Variants in GPR19 observed in about 807,000 individuals in gnomAD.
GPR19 encodes the protein probable G protein-coupled receptor 19.
GPR19 carries 14 observed loss-of-function variants against 28.5 expected under a neutral mutation model. The observed-to-expected ratio is 0.49, with a 90% confidence interval of 0.32 to 0.77. The LOEUF is 0.77. Ranked by LOEUF, GPR19 falls within the 30% of genes least tolerant of loss-of-function variation. The probability of loss-of-function intolerance (pLI) is 0.03; values close to 1 mark genes in which losing one functional copy is unlikely to be tolerated. For synonymous variants in GPR19, 173 were observed against 184.1 expected, an observed-to-expected ratio of 0.94 and a Z score of 0.49; for missense variants, 409 against 504.1, an observed-to-expected ratio of 0.81 and a Z score of 1.81.
At position 12,661,864 on chromosome 12, in the gene GPR19, C is replaced by T. The variant is rs750770626; in HGVS notation, c.585G>A (p.Val195=). The change falls in exon 4 of 4, where the codon GTG becomes GTA. Residue 195 remains valine (V), a synonymous_variant. Coordinates refer to ENST00000651487, the MANE Select transcript of GPR19 (RefSeq NM_006143.3). The surrounding 1 kb of genome is among the most constrained non-coding windows in gnomAD (Gnocchi z 4.2). ...AASWVFDAGF[V]TPVLFFYGSN... ...AGCCATAGAAAAAGAGCACAGGGGT[C>T]ACAAAGCCTGCATCAAAGACCCACG... 3.7e-6 allele frequency: 6 copies of T among 1,614,166 alleles called. No individual in the cohort carries two copies. In the South Asian group the frequency reaches 6.6e-5, roughly 18 times the overall value.
chr12:12,684,001 A>T (rs1229330285), intron 3 of GPR19: 2 of 152,258 alleles, frequency 1.3e-5, no homozygotes, highest in East Asian at 3.8e-4. Flanking sequence ...AGCAGCTGAA[A>T]AAGGATGAAA....
the GPR19 span, among the ~76,000 whole-genome samples, chr12:12,711,614 TAA>T: frequency 1.5e-4 from 23 of 152,334 alleles, no homozygotes; most frequent in South Asian, 2.9e-3. Flanking sequence ...TGCTCAGTTA[TAA>T]TTCTGCTACT....
chr12:12,676,635 G>A (rs1160615487), intron 3 of GPR19, among the ~76,000 whole-genome samples: 1 of 152,188 alleles, frequency 6.6e-6, no homozygotes, highest in African/African-American at 2.4e-5. Flanking sequence ...GAAGTGGTCT[G>A]GTCAAAGAGG....
chr12:12,689,112 G>A (rs1214496214), intron 2 of GPR19, among the ~76,000 whole-genome samples: 2 of 152,262 alleles, frequency 1.3e-5, no homozygotes, highest in African/African-American at 2.4e-5. Flanking sequence ...GTCACATGGC[G>A]AAAGCAGGAC....
rs753785069 is a variant in GPR19 at position 12,661,626 on chromosome 12, T to C, written c.823A>G (p.Ile275Val). Residue 275 changes from isoleucine (I) to valine (V), a missense_variant, in exon 4 of 4, where the codon ATC becomes GTC. By Grantham distance (29) the Ile-to-Val change is conservative. Coordinates refer to ENST00000651487, the MANE Select transcript of GPR19 (RefSeq NM_006143.3). The surrounding 1 kb of genome is among the most constrained non-coding windows in gnomAD (Gnocchi z 4.2). ...NIVPRTKVKT[I>V]KMFLILNLLF... ...AGATTTAAAATGAGGAACATCTTGA[T>C]AGTTTTCACTTTTGTCCGAGGGACA... 2.5e-6 allele frequency: 4 copies of C among 1,614,114 alleles called. No individual in the cohort carries two copies. Among genetic ancestry groups the C allele is most frequent in the Non-Finnish European group, 3.4e-6 (4 of 1,179,936 alleles).
intron 1 of GPR19, 65 bp from the exon 2 acceptor site, chr12:12,695,576 T>C (rs1328629190): frequency 6.6e-6 from 1 of 152,270 alleles, no homozygotes; most frequent in Admixed American, 6.5e-5. Context: ...TCCTGACTTC[T>C]GTTACCGCGA....
rs545460711 is a variant in GPR19 at position 12,662,394 on chromosome 12, G to A, written c.55C>T (p.Leu19Phe). 5 of 1,614,206 alleles carry A rather than the reference G, an allele frequency of 3.1e-6. No homozygotes were observed. The highest frequency in any genetic ancestry group is 4.2e-6 in the Non-Finnish European group (5 of 1,180,024). The change falls in exon 4 of 4, where the codon CTT becomes TTT. Residue 19 changes from leucine (L) to phenylalanine (F), a missense_variant. By Grantham distance (22) the Leu-to-Phe change is conservative (BLOSUM62 0). Coordinates refer to ENST00000651487, the MANE Select transcript of GPR19 (RefSeq NM_006143.3). ...NSKPHLIIPT[L>F]LVPLQNRSCT... ...CTGCGGTTTTGGAGGGGCACCAGAA[G>A]TGTAGGAATAATCAAATGTGGCTTG...
At chr12:12,693,318 T>G (rs1832298918) in intron 2 of GPR19, among the ~76,000 whole-genome samples, 2 of 152,196 alleles carry the variant, frequency 1.3e-5, no homozygotes, top group African/African-American at 4.8e-5. Context: ...CATTCCCATG[T>G]ACAGCAGCCT....
intron 2 of GPR19, among the ~76,000 whole-genome samples, chr12:12,693,188 C>T (rs755801319): frequency 6.6e-6 from 1 of 152,190 alleles, no homozygotes; most frequent in Non-Finnish European, 1.5e-5. Context: ...CAAAGACAGG[C>T]TTGAACCTCA....
chr12:12,692,019 C>T (rs536806352), intron 2 of GPR19, among the ~76,000 whole-genome samples: 1 of 152,232 alleles, frequency 6.6e-6, no homozygotes, highest in Admixed American at 6.5e-5. Context: ...TTTAACAAAA[C>T]AGTGTGGCCA....
chr12:12,671,933 G>A (rs78033840), intron 3 of GPR19, among the ~76,000 whole-genome samples: 2,263 of 152,124 alleles, frequency 0.015, 55 homozygotes, highest in African/African-American at 0.051. Context: ...TGAAATCTAC[G>A]ATTAGTGAAA....
intron 3 of GPR19, among the ~76,000 whole-genome samples, chr12:12,678,364 A>C (rs1157561437): frequency 6.6e-6 from 1 of 152,202 alleles, no homozygotes; most frequent in Non-Finnish European, 1.5e-5. Context: ...TGTTTAGGAC[A>C]TAGCAATATA....
chr12:12,691,360 A>C (rs1384260045), intron 2 of GPR19, among the ~76,000 whole-genome samples: 15 of 151,982 alleles, frequency 9.9e-5, no homozygotes, highest in African/African-American at 3.4e-4. Flanking sequence ...TGTGACCTCC[A>C]TTTCACCTCC....
At chr12:12,685,997 T>C (rs17212166) in intron 2 of GPR19, among the ~76,000 whole-genome samples, 13,692 of 152,286 alleles carry the variant, frequency 0.09, 971 homozygotes, top group Admixed American at 0.21. Context: ...AAATGTGAGT[T>C]GTCAAATTAT....
chr12:12,674,927 T>A (rs1945908472), intron 3 of GPR19, among the ~76,000 whole-genome samples: 1 of 152,172 alleles, frequency 6.6e-6, no homozygotes, highest in African/African-American at 2.4e-5. Context: ...AAGAGTAGGC[T>A]GCTATAAGAG....
rs150953718 is a variant in GPR19 at position 12,690,302 on chromosome 12, C to T, written c.-180+5157G>A. ...ATGTGTATTCCTAATGTGGAAGATA[C>T]ATGGTTTTATTAGGACAAAAAACAT... is the stretch of plus-strand genomic sequence containing the variant. On this transcript the variant is annotated intron_variant, in intron 2 of 3. Transcript: ENST00000651487. 2.0e-5 allele frequency among the ~76,000 whole-genome samples: 3 copies of T among 152,228 alleles called. No homozygotes were observed. The East Asian group carries it at 5.8e-4, about 29-fold the overall frequency.
rs1420568206 is a variant in GPR19, at chr12:12,661,456, TG to T, written c.992del (p.Ser331Ter). 1 of 1,613,780 alleles carries T rather than the reference TG, an allele frequency of 6.2e-7. No homozygotes were observed. The highest frequency in any genetic ancestry group is 1.7e-5 in the Admixed American group (1 of 60,020). On this transcript the variant is annotated frameshift_variant, in exon 4 of 4. Coordinates refer to ENST00000651487, the MANE Select transcript of GPR19 (RefSeq NM_006143.3). LOFTEE classifies it high-confidence loss of function. This position sits in a 1 kb window ranked among gnomAD's most constrained non-coding sequence, Gnocchi z 4.2. ...SSSASKPTLY[S>X]IYNANFRRGM... ...CTCTCCGAAAATTGGCATTATAAAT[TG>T]AATACAGAGTAGGTTTAGAGGCTGA...
upstream of GPR19, among the ~76,000 whole-genome samples, chr12:12,696,595 C>T (rs1946266299): frequency 1.3e-5 from 2 of 152,268 alleles, no homozygotes; most frequent in South Asian, 2.1e-4. Context: ...AGTTTATCAC[C>T]TTGGAACCAG....
chr12:12,662,053 C>T lies in GPR19; in HGVS notation c.396G>A (p.Thr132=), dbSNP rs146630448. 1.1e-5 allele frequency: 18 copies of T among 1,614,110 alleles called. No individual in the cohort carries two copies. The highest frequency in any genetic ancestry group is 3.3e-4 in the Middle Eastern group (2 of 6,084). The change falls in exon 4 of 4, where the codon ACG becomes ACA. Residue 132 remains threonine, a synonymous_variant. Transcript: ENST00000651487. ...CAACCTTGCACGTTGCACTACCCAGCGTCCACCTTCCAGTGGTGAACTGGA... is the reference window on the plus strand; with the variant it reads ...CAACCTTGCACGTTGCACTACCCAGTGTCCACCTTCCAGTGGTGAACTGGA... ...VLLQFTTGRW[T]LGSATCKVVR...
Sources: allele counts gnomAD v4.1 joint callset (sites outside exome capture counted in the v4.1 genomes callset), GRCh38; gene constraint gnomAD v4.1.1; non-coding constraint Gnocchi (gnomAD v3.1); transcripts MANE v1.5; gene names NCBI Gene and HGNC (gene_info 2026-07-23, HGNC 2026-07-21).